CEP43: variants seen among roughly 807,000 people sequenced by gnomAD.
CEP43 encodes the protein centrosomal protein 43.
CEP43 carries 36 observed loss-of-function variants against 52.6 expected under a neutral mutation model. The observed-to-expected ratio is 0.68, with a 90% CI of 0.52 to 0.90. The LOEUF (loss-of-function observed/expected upper bound fraction) is 0.90, where lower values mean the gene tolerates loss of function less well. CEP43 is among the 40% of genes least tolerant of loss of function. The probability of loss-of-function intolerance (pLI) is 0.00; values close to 1 mark genes in which losing one functional copy is unlikely to be tolerated. For missense variants in CEP43, 506 were observed against 472.8 expected (o/e 1.07, Z -0.65); for synonymous variants, 192 against 172.4 (o/e 1.11, Z -0.89).
chr6:167,028,464 T>A (rs1486853375), intron 10 of CEP43: 2 of 984,940 alleles, frequency 2.0e-6, no homozygotes, highest in Non-Finnish European at 2.4e-6. Flanking sequence ...TAGCTAGGCA[T>A]TAGGATTCAG....
chr6:167,003,331 G>A, intron 3 of CEP43, 84 bp downstream of exon 3: 1 of 743,234 alleles, frequency 1.3e-6, no homozygotes, highest in South Asian at 2.0e-5. Context: ...GAATTTCAGG[G>A]CTTTTTTTTT....
At chr6:167,026,868 C>T (rs574697273) in intron 10 of CEP43, among the ~76,000 whole-genome samples, 7 of 152,284 alleles carry the variant, frequency 4.6e-5, no homozygotes, top group South Asian at 4.1e-4. Context: ...GAACATTAAA[C>T]GGGCATCTAC....
rs1185023510 is a variant in CEP43, at chr6:167,048,105, T to G, written c.*8127T>G. 2 of 152,132 alleles carry G rather than the reference T, an allele frequency of 1.3e-5. No homozygotes were observed. Among genetic ancestry groups the G allele is most frequent in the African/African-American group, 2.4e-5 (1 of 41,422 alleles). 9.4% of individuals were successfully genotyped at this position (152,132 alleles called of 1,614,324 possible). A position where few individuals can be genotyped will look rare whatever the true frequency, so the allele number is the denominator to read the frequency against. On this transcript the variant is annotated 3_prime_UTR_variant, in exon 13 of 13. Coordinates refer to ENST00000366847, the MANE Select transcript of CEP43 (RefSeq NM_007045.4). Reference sequence around the variant, plus strand: ...AAATCATCTGGACATTAAAACTGAATTGTAGGCAGGCGTGGTGGCTCACAC... The same window carrying G: ...AAATCATCTGGACATTAAAACTGAAGTGTAGGCAGGCGTGGTGGCTCACAC...
chr6:167,002,584 C>T (rs949237382), intron 2 of CEP43, among the ~76,000 whole-genome samples: 4 of 152,176 alleles, frequency 2.6e-5, no homozygotes, highest in African/African-American at 7.2e-5. Flanking sequence ...TTTGCATTCC[C>T]ATCAGCAGTG....
intron 5 of CEP43, among the ~76,000 whole-genome samples, chr6:167,008,914 T>C (rs766211147): frequency 6.6e-6 from 1 of 152,084 alleles, no homozygotes; most frequent in Non-Finnish European, 1.5e-5. Context: ...GTGAAACACA[T>C]AAGAAGGCAA....
At position 167,040,458 on chromosome 6, in the gene CEP43, G is replaced by T. The variant is rs1425659066; in HGVS notation, c.*480G>T. 2.5e-6 allele frequency: 3 copies of T among 1,210,152 alleles called. No homozygotes were observed. Among genetic ancestry groups the T allele is most frequent in the East Asian group, 7.7e-5 (2 of 26,000 alleles). The allele number at this position is 1,210,152 out of a possible 1,614,324, so 75.0% of individuals were successfully genotyped here. ...GTTGGCAAAATGACTTGGTAAATTTGTAATGCTGAAGTATATTAGTATAAG... is the reference window on the plus strand; with the variant it reads ...GTTGGCAAAATGACTTGGTAAATTTTTAATGCTGAAGTATATTAGTATAAG... On this transcript the variant is annotated 3_prime_UTR_variant, in exon 13 of 13. Transcript: ENST00000366847.
chr6:167,023,712 A>T (rs981317282), intron 8 of CEP43, among the ~76,000 whole-genome samples: 6 of 152,206 alleles, frequency 3.9e-5, no homozygotes, highest in Admixed American at 6.5e-5. Flanking sequence ...AGCTAGAAGC[A>T]GCAGAGGAGA....
chr6:167,032,279 A>G, intron 10 of CEP43, among the ~76,000 whole-genome samples: 1 of 152,298 alleles, frequency 6.6e-6, no homozygotes, highest in East Asian at 1.9e-4. Flanking sequence ...CCTAGAGGGG[A>G]TTGATGATGA....
In CEP43 at chr6:167,046,627, C is replaced by T. The variant is rs1780804135; in HGVS notation, c.*6649C>T. ...CTCCACCTGCAGATGCAGAGGTGGCCCCATCCTGTGATGTGCCACCACATC... is the reference window on the plus strand; with the variant it reads ...CTCCACCTGCAGATGCAGAGGTGGCTCCATCCTGTGATGTGCCACCACATC... On this transcript the variant is annotated 3_prime_UTR_variant, in exon 13 of 13. Coordinates refer to ENST00000366847, the MANE Select transcript of CEP43 (RefSeq NM_007045.4). The T allele has an allele frequency of 6.6e-6, 1 of 152,250 alleles. No individual in the cohort carries two copies. Among genetic ancestry groups the T allele is most frequent in the African/African-American group, 2.4e-5 (1 of 41,462 alleles). The allele number at this position is 152,250 out of a possible 1,614,324, so 9.4% of individuals were successfully genotyped here.
chr6:167,010,912 A>G lies in CEP43; in HGVS notation c.519+19A>G. 6 of 1,512,714 alleles carry G rather than the reference A, an allele frequency of 4.0e-6. No individual in the cohort carries two copies. The highest frequency in any genetic ancestry group is 5.4e-6 in the Non-Finnish European group (6 of 1,107,820). The allele number at this position is 1,512,714 out of a possible 1,614,324, so 93.7% of individuals were successfully genotyped here. A position where few individuals can be genotyped will look rare whatever the true frequency, so the allele number is the denominator to read the frequency against. The stretch of plus-strand genomic sequence containing the variant: ...AAGTAAGGTGAGTTAGCTGTGGAAC[A>G]CGGAAGTCATGTCTGGACTTAACTC... On this transcript the variant is annotated intron_variant, in intron 6 of 12. Transcript: ENST00000366847.
intron 5 of CEP43, among the ~76,000 whole-genome samples, chr6:167,005,828 G>A (rs1034402534): frequency 1.1e-4 from 17 of 152,176 alleles, no homozygotes; most frequent in Non-Finnish European, 2.4e-4. Context: ...CTGTGGCCCT[G>A]AAGAACTCTC....
chr6:167,042,539 C>T lies in CEP43; in HGVS notation c.*2561C>T, dbSNP rs1780721406. 1 of 202,808 alleles carries T rather than the reference C, an allele frequency of 4.9e-6. No individual in the cohort carries two copies. Among genetic ancestry groups the T allele is most frequent in the Non-Finnish European group, 8.8e-6 (1 of 114,086 alleles). 12.6% of individuals were successfully genotyped at this position (202,808 alleles called of 1,614,324 possible). A position where few individuals can be genotyped will look rare whatever the true frequency, so the allele number is the denominator to read the frequency against. ...CTCCCCTCCTTACTTCCCTCTCCTG[C>T]CCATGCACCAGAGCTGTGCCAGCCC... On this transcript the variant is annotated 3_prime_UTR_variant, in exon 13 of 13. Coordinates refer to ENST00000366847, the MANE Select transcript of CEP43 (RefSeq NM_007045.4).
intron 12 of CEP43, among the ~76,000 whole-genome samples, chr6:167,034,263 T>TGA (rs1780535545): frequency 6.6e-6 from 1 of 152,054 alleles, no homozygotes; most frequent in South Asian, 2.1e-4. Context: ...TCAGGCTTAG[T>TGA]GAGAATTGAC....
intron 6 of CEP43, among the ~76,000 whole-genome samples, chr6:167,011,845 G>A (rs1481253338): frequency 6.6e-6 from 1 of 152,144 alleles, no homozygotes; most frequent in Non-Finnish European, 1.5e-5. Context: ...CATTCACAAA[G>A]CCTTCACCCG....
chr6:166,999,788 C>T (rs549693001), intron 1 of CEP43: 259 of 528,998 alleles, frequency 4.9e-4, no homozygotes, highest in African/African-American at 4.6e-3. Flanking sequence ...GCTTGGGGGC[C>T]ACACGGGCGG....
At chr6:167,000,179 C>T (rs774264764) in intron 2 of CEP43, 66 bp downstream of exon 2, 163 of 1,269,628 alleles carry the variant, frequency 1.3e-4, no homozygotes, top group Non-Finnish European at 1.0e-4. Context: ...TCATTAAAAA[C>T]CGTCTTAAAA....
At chr6:167,010,501 G>C (rs149421535) in intron 5 of CEP43, among the ~76,000 whole-genome samples, 1 of 152,230 alleles carries the variant, frequency 6.6e-6, no homozygotes, top group Non-Finnish European at 1.5e-5. Context: ...TTTGTCTGGA[G>C]AGTAGGGAGA....
chr6:167,036,589 A>G (rs1562534235), intron 12 of CEP43: 1 of 985,356 alleles, frequency 1.0e-6, no homozygotes, highest in Non-Finnish European at 1.2e-6. Context: ...TTTACACTTC[A>G]TAAAACTTTT....
intron 7 of CEP43, among the ~76,000 whole-genome samples, chr6:167,014,039 G>A (rs1780040874): frequency 1.3e-5 from 2 of 152,188 alleles, no homozygotes; most frequent in South Asian, 4.1e-4. Flanking sequence ...TTATCCAGGT[G>A]AAAATCATAC....
Sources: gnomAD v4.1 joint callset for allele counts (sites outside exome capture counted in the v4.1 genomes callset) on GRCh38, gnomAD v4.1.1 for gene constraint, MANE v1.5 for transcripts, NCBI Gene and HGNC (gene_info 2026-07-23, HGNC 2026-07-21) for gene names.